The following GOLGA8A variants were observed in gnomAD, a reference collection of about 807,000 sequenced individuals.
GOLGA8A encodes the protein golgin subfamily A member 8A.
GOLGA8A carries 3 observed loss-of-function variants against 22.1 expected under a neutral mutation model. The observed-to-expected ratio is 0.14, with a 90% CI of 0.06 to 0.35. The LOEUF is 0.35. Among genes scored for constraint, GOLGA8A ranks in the 10% least tolerant of loss-of-function variants. The pLI is 1.00. For synonymous variants in GOLGA8A, 7 were observed against 91.7 expected, an observed-to-expected ratio of 0.08 and a Z score of 5.28; for missense variants, 16 against 233.2, an observed-to-expected ratio of 0.07 and a Z score of 6.07.
chr15:34,425,389 A>AT (rs1791504882), intron 2 of GOLGA8A, among the ~76,000 whole-genome samples: 1 of 53,170 alleles, frequency 1.9e-5, no homozygotes, highest in Non-Finnish European at 5.7e-5. Flanking sequence ...GGAATCCTAT[A>AT]AAAAAAAAAA....
intron 2 of GOLGA8A, among the ~76,000 whole-genome samples, chr15:34,426,594 C>T (rs540340705): frequency 1.4e-5 from 2 of 145,416 alleles, no homozygotes; most frequent in South Asian, 4.8e-4. Context: ...TTTAAAGGAT[C>T]TCAAGATCTA....
intron 5 of GOLGA8A, 107 bp from the exon 6 acceptor site, chr15:34,400,866 C>T (rs1228205999): frequency 2.0e-4 from 26 of 127,826 alleles, no homozygotes; most frequent in African/African-American, 4.8e-4. Flanking sequence ...AAGCTAAGTA[C>T]GAAGCTTTTA....
chr15:34,425,167 G>C (rs972591787), intron 2 of GOLGA8A, among the ~76,000 whole-genome samples: 2 of 146,216 alleles, frequency 1.4e-5, no homozygotes, highest in Non-Finnish European at 3.0e-5. Flanking sequence ...GAAAAAAGAA[G>C]AGGAATGAAG....
Position 34,379,665 on chromosome 15 carries a change from G to A in GOLGA8A, c.*1746C>T, listed in dbSNP as rs1395913462. 2 of 152,604 alleles carry A rather than the reference G, an allele frequency of 1.3e-5. No homozygotes were observed. Among genetic ancestry groups the A allele is most frequent in the Non-Finnish European group, 2.9e-5 (2 of 68,038 alleles). 9.5% of individuals were successfully genotyped at this position (152,604 alleles called of 1,614,324 possible). On this transcript the variant is annotated 3_prime_UTR_variant, in exon 25 of 25. Coordinates refer to ENST00000359187, the MANE Select transcript of GOLGA8A (RefSeq NM_181077.5). ...CTGCCAAGTGCTAAAAATGGAGATG[G>A]TCTAGTAACTAGAAAACTCCCCACC... is the stretch of plus-strand genomic sequence containing the variant.
chr15:34,421,847 A>G (rs1195546029), intron 2 of GOLGA8A, among the ~76,000 whole-genome samples: 1 of 137,302 alleles, frequency 7.3e-6, no homozygotes, highest in Non-Finnish European at 1.6e-5. Context: ...CTCTTCTCCC[A>G]CCAGGGCTGG....
chr15:34,427,326 G>C, intron 2 of GOLGA8A, among the ~76,000 whole-genome samples: 1 of 75,822 alleles, frequency 1.3e-5, no homozygotes, highest in South Asian at 9.3e-4. Context: ...GTGAGACTCC[G>C]TCACAAAAAA....
intron 5 of GOLGA8A, among the ~76,000 whole-genome samples, chr15:34,403,682 TAACTC>T (rs1485896214): frequency 6.9e-6 from 1 of 144,682 alleles, no homozygotes; most frequent in Admixed American, 6.9e-5. Context: ...GTTTTGAAGA[TAACTC>T]AAACTGGAAT....
intron 8 of GOLGA8A, among the ~76,000 whole-genome samples, chr15:34,397,918 C>CT (rs1399151137): frequency 1.7e-5 from 2 of 116,952 alleles, no homozygotes; most frequent in Non-Finnish European, 3.8e-5. Flanking sequence ...TAACTGGAGG[C>CT]TGTAGGCAGC....
chr15:34,409,694 AC>A, intron 2 of GOLGA8A: 1 of 841,560 alleles, frequency 1.2e-6, no homozygotes. Context: ...ATGTTGGACC[AC>A]AGGGCAAGGC....
At position 34,435,413 on chromosome 15, in the gene GOLGA8A, G is replaced by C. The variant is rs113133449; in HGVS notation, c.-1153C>G. Reference sequence around the variant, plus strand: ...ACTTTTATCCAGCATTTCTTAGCTCGGTTGGCAAACTGGATATTTATGCAC... The same window carrying C: ...ACTTTTATCCAGCATTTCTTAGCTCCGTTGGCAAACTGGATATTTATGCAC... On this transcript the variant is annotated 5_prime_UTR_variant, in exon 2 of 25. Coordinates refer to ENST00000359187, the MANE Select transcript of GOLGA8A (RefSeq NM_181077.5). The C allele has an allele frequency of 6.7e-6, 1 of 149,342 alleles. No individual in the cohort carries two copies. The highest frequency in any genetic ancestry group is 1.5e-5 in the Non-Finnish European group (1 of 67,232). The allele number at this position is 149,342 out of a possible 1,614,324, so 9.3% of individuals were successfully genotyped here. A position where few individuals can be genotyped will look rare whatever the true frequency, so the allele number is the denominator to read the frequency against.
At position 34,437,437 on chromosome 15, in the gene GOLGA8A, TCG is replaced by T. The variant is rs1306809270; in HGVS notation, c.-1253_-1252del. On this transcript the variant is annotated 5_prime_UTR_variant, in exon 1 of 25. Coordinates refer to ENST00000359187, the MANE Select transcript of GOLGA8A (RefSeq NM_181077.5). Reference sequence around the variant, plus strand: ...GGGCTGCCCCGGTCCGCCGCCGTCCTCGCCGCGCCGCCGTCCTCGCCGCGCCG... The same window carrying T: ...GGGCTGCCCCGGTCCGCCGCCGTCCTCCGCGCCGCCGTCCTCGCCGCGCCG... 3 of 137,164 alleles carry T rather than the reference TCG, an allele frequency of 2.2e-5. No individual in the cohort carries two copies. Among genetic ancestry groups the T allele is most frequent in the Non-Finnish European group, 4.8e-5 (3 of 62,388 alleles). The allele number at this position is 137,164 out of a possible 1,614,324, so 8.5% of individuals were successfully genotyped here.
intron 2 of GOLGA8A, among the ~76,000 whole-genome samples, chr15:34,427,284 T>C (rs1439369752): frequency 7.2e-6 from 1 of 138,534 alleles, no homozygotes; most frequent in African/African-American, 2.7e-5. Flanking sequence ...TAAGCCGAGA[T>C]TGTGCCACTG....
intron 2 of GOLGA8A, chr15:34,428,511 G>GAAGCGGACGT (rs1322378095): frequency 1.3e-5 from 2 of 149,214 alleles, no homozygotes; most frequent in African/African-American, 2.5e-5. Context: ...CAGGGATAAT[G>GAAGCGGACGT]AAGCGGACGT....
Position 34,435,711 on chromosome 15 carries a change from G to C in GOLGA8A, c.-1211-240C>G, listed in dbSNP as rs535751811. ...CAGCCCAAGAGCCAGACAGTGGGGA[G>C]GAGCACAGACCACACTTCCTAACAA... On this transcript the variant is annotated intron_variant, in intron 1 of 24. Transcript: ENST00000359187. Among the ~76,000 whole-genome samples the C allele has an allele frequency of 4.2e-4, 63 of 148,752 alleles. 2 individuals carry two copies. The East Asian group carries it at 5.7e-3, about 14-fold the overall frequency.
At chr15:34,385,853 A>AG in intron 12 of GOLGA8A, 75 bp from the exon 13 acceptor site, 1 of 641,938 alleles carries the variant, frequency 1.6e-6, no homozygotes, top group Non-Finnish European at 2.6e-6. Flanking sequence ...AGCGGCAGGC[A>AG]GGGGCCAGGA....
intron 2 of GOLGA8A, among the ~76,000 whole-genome samples, chr15:34,414,816 T>A (rs1892531716): frequency 1.4e-5 from 1 of 72,342 alleles, no homozygotes; most frequent in African/African-American, 4.8e-5. Flanking sequence ...GGACCCAGAG[T>A]GGCACCTGGT....
At chr15:34,435,843 G>A (rs1196107596) in intron 1 of GOLGA8A, among the ~76,000 whole-genome samples, 1 of 149,190 alleles carries the variant, frequency 6.7e-6, no homozygotes, top group African/African-American at 2.5e-5. Flanking sequence ...AGAGCCCACC[G>A]AGGGCTGCCA....
Position 34,381,158 on chromosome 15 carries a change from T to C in GOLGA8A, c.*253A>G, listed in dbSNP as rs529598200. On this transcript the variant is annotated 3_prime_UTR_variant, in exon 25 of 25. Transcript: ENST00000359187. ...CACGTAAGGGCAAACTCGATATGCA[T>C]GCTAATGACCTACAATTATGAAATG... The C allele has an allele frequency of 1.2e-4, 71 of 585,796 alleles. No homozygotes were observed. The highest frequency in any genetic ancestry group is 7.7e-4 in the South Asian group (38 of 49,646). 36.3% of individuals were successfully genotyped at this position (585,796 alleles called of 1,614,324 possible). A position where few individuals can be genotyped will look rare whatever the true frequency, so the allele number is the denominator to read the frequency against.
At chr15:34,428,458 A>G (rs1162306415) in intron 2 of GOLGA8A, among the ~76,000 whole-genome samples, 1 of 148,782 alleles carries the variant, frequency 6.7e-6, no homozygotes, top group Non-Finnish European at 1.5e-5. Context: ...GCATGGAAGT[A>G]ACAAAGGCAG....
Sources: gnomAD v4.1 joint callset for allele counts (sites outside exome capture counted in the v4.1 genomes callset) on GRCh38, gnomAD v4.1.1 for gene constraint, MANE v1.5 for transcripts, NCBI Gene and HGNC (gene_info 2026-07-23, HGNC 2026-07-21) for gene names.